Variants in CEP128 observed in about 807,000 individuals in gnomAD.
CEP128 encodes the protein centrosomal protein 128.
CEP128 carries 132 observed loss-of-function variants against 156.7 expected under a neutral mutation model. The observed-to-expected ratio is 0.84, with a 90% CI of 0.73 to 0.97. The LOEUF (loss-of-function observed/expected upper bound fraction) is 0.97, where lower values mean the gene tolerates loss of function less well. Among genes scored for constraint, CEP128 ranks in the 50% least tolerant of loss-of-function variants. CEP128 has a pLI of 0.00. For missense variants in CEP128, 1,252 were observed against 1,281.9 expected (o/e 0.98, Z 0.36); for synonymous variants, 469 against 448.9 (o/e 1.04, Z -0.57).
chr14:80,504,463 T>G (rs1276812552), intron 24 of CEP128, among the ~76,000 whole-genome samples: 1 of 152,232 alleles, frequency 6.6e-6, no homozygotes, highest in Non-Finnish European at 1.5e-5. Context: ...TTGTTGATAT[T>G]GATGATGACA....
At chr14:80,740,527 T>TAGATAGATAGAC (rs1898770443) in intron 19 of CEP128, among the ~76,000 whole-genome samples, 1 of 129,470 alleles carries the variant, frequency 7.7e-6, no homozygotes, top group African/African-American at 2.7e-5. Flanking sequence ...GATAGATAGA[T>TAGATAGATAGAC]AGATAGATAG....
At chr14:80,577,358 T>C (rs1008636425) in intron 20 of CEP128, among the ~76,000 whole-genome samples, 24 of 152,246 alleles carry the variant, frequency 1.6e-4, no homozygotes, top group African/African-American at 5.8e-4. Flanking sequence ...GAACCTCCCT[T>C]AACATTACCA....
intron 20 of CEP128, among the ~76,000 whole-genome samples, chr14:80,567,169 T>C (rs1016367775): frequency 6.6e-6 from 1 of 152,178 alleles, no homozygotes; most frequent in Non-Finnish European, 1.5e-5. Context: ...TGTTCTTCTG[T>C]AGCTTTCTTC....
intron 23 of CEP128, among the ~76,000 whole-genome samples, chr14:80,518,975 T>C (rs770225484): frequency 1.3e-5 from 2 of 152,246 alleles, no homozygotes; most frequent in Non-Finnish European, 2.9e-5. Context: ...GTGGAACTTC[T>C]ATAAAAGTAA....
intron 21 of CEP128, among the ~76,000 whole-genome samples, chr14:80,545,452 T>C (rs1050308933): frequency 5.9e-5 from 9 of 152,234 alleles, no homozygotes; most frequent in African/African-American, 2.2e-4. Context: ...TAACTGTTTA[T>C]ATAGTTTCCA....
intron 20 of CEP128, among the ~76,000 whole-genome samples, chr14:80,563,456 T>C (rs1014950427): frequency 6.6e-6 from 1 of 151,560 alleles, no homozygotes; most frequent in Non-Finnish European, 1.5e-5. Context: ...GCAACACACA[T>C]ATGTAATTTT....
At chr14:80,629,461 G>A (rs2140716589) in intron 19 of CEP128, among the ~76,000 whole-genome samples, 1 of 152,078 alleles carries the variant, frequency 6.6e-6, no homozygotes, top group Non-Finnish European at 1.5e-5. Flanking sequence ...GTTCCTCTGA[G>A]AAGGAGTTCT....
intron 19 of CEP128, among the ~76,000 whole-genome samples, chr14:80,684,267 C>T (rs756529828): frequency 6.6e-6 from 1 of 152,052 alleles, no homozygotes; most frequent in Non-Finnish European, 1.5e-5. Flanking sequence ...GGTGACATTA[C>T]AGCCATTCTC....
At chr14:80,891,770 A>C (rs1379767295) in intron 8 of CEP128, among the ~76,000 whole-genome samples, 1 of 152,012 alleles carries the variant, frequency 6.6e-6, no homozygotes, top group Non-Finnish European at 1.5e-5. Context: ...TGATTATTAT[A>C]TATTGCATGC....
At chr14:80,643,050 G>C (rs758489904) in intron 19 of CEP128, among the ~76,000 whole-genome samples, 1 of 152,058 alleles carries the variant, frequency 6.6e-6, no homozygotes, top group African/African-American at 2.4e-5. Flanking sequence ...CACCGCGCCC[G>C]GCTGACCCAC....
chr14:80,779,311 C>CA (rs1287055546), intron 15 of CEP128, among the ~76,000 whole-genome samples: 3 of 152,086 alleles, frequency 2.0e-5, no homozygotes, highest in Admixed American at 1.3e-4. Flanking sequence ...GAGTTTTAGA[C>CA]AAAATCTTTA....
chr14:80,720,966 T>C (rs1318034824), intron 19 of CEP128, among the ~76,000 whole-genome samples: 2 of 152,082 alleles, frequency 1.3e-5, no homozygotes, highest in Non-Finnish European at 2.9e-5. Flanking sequence ...TATCCTTGAG[T>C]TGTTCATCTT....
intron 13 of CEP128, among the ~76,000 whole-genome samples, chr14:80,812,934 CCTT>C (rs1258899006): frequency 3.3e-5 from 5 of 152,022 alleles, no homozygotes; most frequent in Non-Finnish European, 5.9e-5. Flanking sequence ...GGTGGTATCT[CCTT>C]GTGTGTTTGA....
chr14:80,514,285 A>G (rs1162545900), intron 23 of CEP128, among the ~76,000 whole-genome samples: 5 of 152,200 alleles, frequency 3.3e-5, no homozygotes, highest in African/African-American at 1.2e-4. Context: ...GACCCTCCTA[A>G]GGGCTGTGTC....
At chr14:80,484,563 C>T (rs540466140) in intron 14 of CEP128, among the ~76,000 whole-genome samples, 121 of 152,268 alleles carry the variant, frequency 7.9e-4, no homozygotes, top group Non-Finnish European at 1.5e-3. Context: ...GTATTGAGAT[C>T]AGTATCAGAA....
rs376423360 is a variant in CEP128, at chr14:80,507,978, G to A, written c.3073-2958C>T. On this transcript the variant is annotated intron_variant, in intron 23 of 24. Transcript: ENST00000555265. ...TGCCCAGGCTGGAGTGCAGTGGCAC[G>A]ATCTTGGCTCACTGCAACCTCTGCC... 1.9e-3 allele frequency among the ~76,000 whole-genome samples: 282 copies of A among 152,176 alleles called. 1 individual carries two copies. Among genetic ancestry groups the A allele is most frequent in the African/African-American group, 6.4e-3 (267 of 41,528 alleles).
chr14:80,837,398 T>G (rs1489581861), intron 11 of CEP128, among the ~76,000 whole-genome samples: 1 of 152,196 alleles, frequency 6.6e-6, no homozygotes, highest in African/African-American at 2.4e-5. Context: ...TATGGGCTGA[T>G]GGAATGCAAA....
Position 80,732,471 on chromosome 14 carries a change from GGTGTGTGTGTGTGTGTGTGTGT to G in CEP128, c.2806+10582_2806+10603del, listed in dbSNP as rs10672093. 1.1e-4 allele frequency among the ~76,000 whole-genome samples: 14 copies of G among 127,728 alleles called. No homozygotes were observed. The South Asian group carries it at 1.1e-3, about 10-fold the overall frequency. 83.8% of individuals were successfully genotyped at this position (127,728 alleles called of 152,430 possible). A position where few individuals can be genotyped will look rare whatever the true frequency, so the allele number is the denominator to read the frequency against. On this transcript the variant is annotated intron_variant, in intron 19 of 24. Coordinates refer to ENST00000555265, the MANE Select transcript of CEP128 (RefSeq NM_152446.5). The stretch of plus-strand genomic sequence containing the variant: ...TTCATCTGGCAGAACTGATTAAGCA[GGTGTGTGTGTGTGTGTGTGTGT>G]GTGTGTGTGTGTGTGTGTGTGTGTG...
rs534957090 is a variant in CEP128, at chr14:80,773,765, A to C, written c.2376+4117T>G. Among the ~76,000 whole-genome samples, 32 of 152,324 alleles carry C rather than the reference A, an allele frequency of 2.1e-4. 1 individual carries two copies. The highest frequency in any genetic ancestry group is 7.5e-4 in the African/African-American group (31 of 41,584). On this transcript the variant is annotated intron_variant, in intron 16 of 24. Coordinates refer to ENST00000555265, the MANE Select transcript of CEP128 (RefSeq NM_152446.5). ...TATTTCTGATAGAGTAAACAGGTAA[A>C]TGTCACAAAAATCAAAAGATTAATA... is the stretch of plus-strand genomic sequence containing the variant.
Sources: gnomAD v4.1 joint callset for allele counts (sites outside exome capture counted in the v4.1 genomes callset) on GRCh38, gnomAD v4.1.1 for gene constraint, MANE v1.5 for transcripts, NCBI Gene and HGNC (gene_info 2026-07-23, HGNC 2026-07-21) for gene names.